DTNB: variants seen among roughly 807,000 people sequenced by gnomAD.
The protein encoded by DTNB is DTN-B.
A neutral mutation model predicts 90.7 loss-of-function variants in DTNB; 63 were observed. That is an observed-to-expected ratio of 0.69 (90% CI 0.57 to 0.86). DTNB has a LOEUF of 0.86. Among genes scored for constraint, DTNB ranks in the 40% least tolerant of loss-of-function variants. The pLI, the probability that DTNB is intolerant of heterozygous loss-of-function variation, is 0.00. For synonymous variants in DTNB, 277 were observed against 286.7 expected (o/e 0.97, Z 0.34); for missense variants, 744 against 807.1 (o/e 0.92, Z 0.95).
chr2:25,502,088 G>A (rs775256491), intron 9 of DTNB, among the ~76,000 whole-genome samples: 13 of 152,106 alleles, frequency 8.5e-5, no homozygotes, highest in Non-Finnish European at 1.5e-4. Flanking sequence ...TGGGGCTGAG[G>A]TGGGAGGATT....
chr2:25,554,605 T>G (rs1006249973), intron 8 of DTNB, among the ~76,000 whole-genome samples: 4 of 152,180 alleles, frequency 2.6e-5, no homozygotes, highest in African/African-American at 9.7e-5. Flanking sequence ...ACCAGAAGAC[T>G]TGTACCAGAA....
chr2:25,646,477 A>G (rs2079486794), intron 2 of DTNB, among the ~76,000 whole-genome samples: 1 of 152,074 alleles, frequency 6.6e-6, no homozygotes, highest in Non-Finnish European at 1.5e-5. Flanking sequence ...ATCTCAAAAA[A>G]AAAAAGATAC....
intron 9 of DTNB, among the ~76,000 whole-genome samples, chr2:25,520,149 C>T (rs184779045): frequency 2.5e-4 from 38 of 152,200 alleles, no homozygotes; most frequent in Admixed American, 2.0e-3. Flanking sequence ...TTTGGGAGAC[C>T]GAGGCGGGTG....
chr2:25,389,579 A>G (rs2040500091), intron 16 of DTNB, among the ~76,000 whole-genome samples: 2 of 152,256 alleles, frequency 1.3e-5, no homozygotes, highest in Non-Finnish European at 2.9e-5. Flanking sequence ...GCTCTTCAGC[A>G]CAACGGGAAC....
At chr2:25,603,128 G>C (rs547942992) in intron 5 of DTNB, among the ~76,000 whole-genome samples, 36 of 152,236 alleles carry the variant, frequency 2.4e-4, no homozygotes, top group African/African-American at 8.7e-4. Flanking sequence ...ATAAATTTAT[G>C]AATCTTTTGC....
chr2:25,652,764 G>A (rs2081224140), intron 1 of DTNB, 103 bp from the exon 2 acceptor site: 4 of 1,201,212 alleles, frequency 3.3e-6, no homozygotes, highest in Middle Eastern at 3.9e-4. Context: ...AGTTGCAAAT[G>A]CACATTTTAA....
intron 3 of DTNB, among the ~76,000 whole-genome samples, chr2:25,629,832 C>T (rs1039761841): frequency 6.6e-6 from 1 of 152,108 alleles, no homozygotes; most frequent in South Asian, 2.1e-4. Flanking sequence ...GAAAGCTCTC[C>T]CCTCAAGATC....
chr2:25,437,604 G>T (rs1335622074), intron 12 of DTNB, among the ~76,000 whole-genome samples: 1 of 151,974 alleles, frequency 6.6e-6, no homozygotes, highest in South Asian at 2.1e-4. Flanking sequence ...TTAAGAAGAA[G>T]AAGAAGAAAA....
chr2:25,400,360 C>T (rs1427297301), intron 16 of DTNB, among the ~76,000 whole-genome samples: 4 of 152,258 alleles, frequency 2.6e-5, no homozygotes, highest in Admixed American at 1.3e-4. Context: ...CTCAAAAGCA[C>T]AGATGGGCTT....
intron 20 of DTNB, 146 bp downstream of exon 20, chr2:25,379,144 A>C (rs1416970223): frequency 1.3e-6 from 1 of 742,874 alleles, no homozygotes; most frequent in Non-Finnish European, 1.9e-6. Context: ...TGGGGTGGGC[A>C]AAGGGAAGGG....
At chr2:25,596,810 A>G (rs1382408414) in intron 5 of DTNB, among the ~76,000 whole-genome samples, 2 of 152,246 alleles carry the variant, frequency 1.3e-5, no homozygotes, top group Non-Finnish European at 2.9e-5. Context: ...TAACTCATCT[A>G]AAGTCTTCTA....
At chr2:25,661,056 C>G (rs1027913925) in intron 1 of DTNB, among the ~76,000 whole-genome samples, 1 of 152,106 alleles carries the variant, frequency 6.6e-6, no homozygotes, top group African/African-American at 2.4e-5. Flanking sequence ...AATGAAGGTA[C>G]CCATCTCTAA....
chr2:25,482,251 A>G (rs150101756), intron 10 of DTNB, among the ~76,000 whole-genome samples: 5 of 152,340 alleles, frequency 3.3e-5, no homozygotes, highest in African/African-American at 1.2e-4. Flanking sequence ...AGGAGAAAGA[A>G]GTACACAGTT....
At chr2:25,525,371 G>T (rs957045999) in intron 9 of DTNB, among the ~76,000 whole-genome samples, 7 of 152,066 alleles carry the variant, frequency 4.6e-5, no homozygotes, top group African/African-American at 1.7e-4. Context: ...CAAGCTGGGC[G>T]CAGTGGCTCA....
rs1037369450 is a variant in DTNB at position 25,630,758 on chromosome 2, C to T, written c.149-2374G>A. ...ACTCAGGAGGCTGAGGCAGGAAAATCGCTTAAACCTGGGAGGCGGAGCTTG... is the reference window on the plus strand; with the variant it reads ...ACTCAGGAGGCTGAGGCAGGAAAATTGCTTAAACCTGGGAGGCGGAGCTTG... On this transcript the variant is annotated intron_variant, in intron 3 of 20. Coordinates refer to ENST00000406818, the MANE Select transcript of DTNB (RefSeq NM_021907.5). Among the ~76,000 whole-genome samples the T allele has an allele frequency of 2.2e-4, 32 of 148,300 alleles. 2 individuals are homozygous for T. The highest frequency in any genetic ancestry group is 1.3e-3 in the Admixed American group (19 of 14,518).
At chr2:25,562,975 G>A (rs893857033) in intron 8 of DTNB, among the ~76,000 whole-genome samples, 4 of 151,878 alleles carry the variant, frequency 2.6e-5, no homozygotes, top group Non-Finnish European at 5.9e-5. Flanking sequence ...TCACTGTGTT[G>A]GGCAGGCTGG....
chr2:25,542,477 T>C (rs73922416), intron 8 of DTNB, among the ~76,000 whole-genome samples: 1,920 of 152,320 alleles, frequency 0.013, 41 homozygotes, highest in African/African-American at 0.042. Context: ...GCTTGTAATT[T>C]TCCTTTTCTT....
chr2:25,624,803 C>T (rs1292230767), intron 4 of DTNB, among the ~76,000 whole-genome samples: 1 of 152,166 alleles, frequency 6.6e-6, no homozygotes, highest in African/African-American at 2.4e-5. Context: ...TTGCACCAGA[C>T]TGTATGACTA....
chr2:25,554,590 G>A (rs887980114), intron 8 of DTNB, among the ~76,000 whole-genome samples: 3 of 152,126 alleles, frequency 2.0e-5, no homozygotes, highest in Admixed American at 2.0e-4. Context: ...AACTCTCCAC[G>A]CTGCACCAGA....
Sources: gnomAD v4.1 joint callset for allele counts (sites outside exome capture counted in the v4.1 genomes callset) on GRCh38, gnomAD v4.1.1 for gene constraint, MANE v1.5 for transcripts, NCBI Gene and HGNC (gene_info 2026-07-23, HGNC 2026-07-21) for gene names.